IL1RAPL2: variants seen among roughly 807,000 people sequenced by gnomAD.
The protein encoded by IL1RAPL2 is interleukin 1 receptor accessory protein like 2.
IL1RAPL2 carries 3 observed loss-of-function variants against 44.1 expected under a neutral mutation model. The observed-to-expected ratio is 0.07, with a 90% CI of 0.03 to 0.18. The LOEUF (loss-of-function observed/expected upper bound fraction) is 0.18. IL1RAPL2 is among the 10% of genes least tolerant of loss of function. The probability of loss-of-function intolerance (pLI) is 1.00; values close to 1 mark genes in which losing one functional copy is unlikely to be tolerated. For missense variants in IL1RAPL2, 391 were observed against 496.4 expected (o/e 0.79, Z 2.02); for synonymous variants, 181 against 178.8 (o/e 1.01, Z -0.10).
chrX:105,126,906 T>C (rs1157730738), intron 2 of IL1RAPL2, among the ~76,000 whole-genome samples: 1 of 111,373 alleles, frequency 9.0e-6, no homozygotes, highest in Non-Finnish European at 1.9e-5. Context: ...TTCCAGTTTC[T>C]GCCAGAAGAG....
intron 2 of IL1RAPL2, among the ~76,000 whole-genome samples, chrX:104,962,996 T>C (rs2030037713): frequency 8.9e-6 from 1 of 112,075 alleles, no homozygotes; most frequent in Admixed American, 9.5e-5. Context: ...CCTGGGTTTC[T>C]TCATCCCTGA....
chrX:105,457,079 CAG>C lies in IL1RAPL2; in HGVS notation c.698-27231_698-27230del, dbSNP rs2036061159. On this transcript the variant is annotated intron_variant, in intron 5 of 10. Coordinates refer to ENST00000372582, the MANE Select transcript of IL1RAPL2 (RefSeq NM_017416.2). The stretch of plus-strand genomic sequence containing the variant: ...ACACACACACACACACACACACACA[CAG>C]AGCTGCTGAAAGAGGCTAGAGCAGT... 3.8e-5 allele frequency among the ~76,000 whole-genome samples: 4 copies of C among 106,391 alleles called. No individual in the cohort carries two copies. In the South Asian group the frequency reaches 1.6e-3, roughly 43 times the overall value. 92.4% of individuals were successfully genotyped at this position (106,391 alleles called of 115,157 possible). A position where few individuals can be genotyped will look rare whatever the true frequency, so the allele number is the denominator to read the frequency against.
chrX:104,568,252 G>C (rs1255003559), intron 1 of IL1RAPL2, among the ~76,000 whole-genome samples: 1 of 110,643 alleles, frequency 9.0e-6, no homozygotes, highest in Admixed American at 9.6e-5. Flanking sequence ...TTAAACATGC[G>C]GCATAGCTGG....
intron 2 of IL1RAPL2, among the ~76,000 whole-genome samples, chrX:104,748,147 A>G (rs1932205285): frequency 9.0e-6 from 1 of 111,637 alleles, no homozygotes; most frequent in Admixed American, 9.5e-5. Context: ...CATTACATGG[A>G]AAGTTTTATA....
chrX:105,013,643 G>A (rs111559224), intron 2 of IL1RAPL2, among the ~76,000 whole-genome samples: 2,531 of 110,168 alleles, frequency 0.023, 62 homozygotes, highest in African/African-American at 0.08. Context: ...TTGTCCTGAC[G>A]ATTCTCCTTC....
At chrX:105,749,144 G>A in intron 9 of IL1RAPL2, 41 bp downstream of exon 9, 2 of 1,161,889 alleles carry the variant, frequency 1.7e-6, no homozygotes, top group Non-Finnish European at 2.3e-6. Context: ...TAAACGGCAT[G>A]CATTTGTGAT....
At chrX:104,938,171 A>G (rs1170884179) in intron 2 of IL1RAPL2, among the ~76,000 whole-genome samples, 1 of 112,512 alleles carries the variant, frequency 8.9e-6, no homozygotes, top group Non-Finnish European at 1.9e-5. Flanking sequence ...TTGGATATAA[A>G]CATATTTATT....
At chrX:105,033,093 C>A (rs1391414266) in intron 2 of IL1RAPL2, among the ~76,000 whole-genome samples, 2 of 111,188 alleles carry the variant, frequency 1.8e-5, no homozygotes, top group South Asian at 3.8e-4. Context: ...TTCCTCTATC[C>A]CTTTATTTTG....
At chrX:104,632,221 A>T (rs998644065) in intron 1 of IL1RAPL2, among the ~76,000 whole-genome samples, 5 of 111,692 alleles carry the variant, frequency 4.5e-5, no homozygotes, top group Non-Finnish European at 7.5e-5. Context: ...TGGTACCAGT[A>T]CCATGCTGTT....
intron 2 of IL1RAPL2, among the ~76,000 whole-genome samples, chrX:104,838,843 CTTTCTTTTTTTTTTT>C (rs1173711959): frequency 2.6e-5 from 1 of 38,018 alleles, no homozygotes; most frequent in African/African-American, 6.8e-5. Flanking sequence ...TTCTTTCTTT[CTTTCTTTTTTTTTTT>C]TTTTTTTTTG....
At chrX:104,902,640 G>T (rs1923853831) in intron 2 of IL1RAPL2, among the ~76,000 whole-genome samples, 1 of 111,945 alleles carries the variant, frequency 8.9e-6, no homozygotes, top group Admixed American at 9.5e-5. Flanking sequence ...CATTTCCGTT[G>T]CAGAATAGCA....
At chrX:104,584,217 C>T (rs749195607) in intron 1 of IL1RAPL2, among the ~76,000 whole-genome samples, 5 of 111,553 alleles carry the variant, frequency 4.5e-5, no homozygotes, top group Non-Finnish European at 9.4e-5. Context: ...AACCTCCCTA[C>T]TCTATAGGAG....
chrX:105,765,393 GT>G (rs1437545993), intron 10 of IL1RAPL2: 3 of 111,732 alleles, frequency 2.7e-5, no homozygotes, highest in African/African-American at 3.3e-5. Flanking sequence ...TATTTCTGTG[GT>G]GTTTTTTTGT....
At chrX:104,676,431 A>T (rs944572289) in intron 2 of IL1RAPL2, among the ~76,000 whole-genome samples, 1 of 111,047 alleles carries the variant, frequency 9.0e-6, no homozygotes, top group African/African-American at 3.3e-5. Context: ...ATTGGCCCCC[A>T]CTCTCTTCTG....
chrX:104,886,333 G>A (rs1325807547), intron 2 of IL1RAPL2, among the ~76,000 whole-genome samples: 6 of 99,569 alleles, frequency 6.0e-5, no homozygotes, highest in African/African-American at 1.8e-4. Context: ...CCTGAAGTCT[G>A]GGCATTGGAA....
chrX:104,897,932 G>T (rs1018607223), intron 2 of IL1RAPL2, among the ~76,000 whole-genome samples: 1 of 111,905 alleles, frequency 8.9e-6, no homozygotes, highest in African/African-American at 3.2e-5. Context: ...AATGATAAAT[G>T]TTACTTTACC....
chrX:105,388,753 G>T (rs2035499421), intron 5 of IL1RAPL2, among the ~76,000 whole-genome samples: 1 of 110,925 alleles, frequency 9.0e-6, no homozygotes, highest in Non-Finnish European at 1.9e-5. Context: ...TTTATCAGGG[G>T]TTTTTTGCAT....
At chrX:105,211,983 C>A (rs1556158553) in intron 3 of IL1RAPL2, among the ~76,000 whole-genome samples, 3 of 112,353 alleles carry the variant, frequency 2.7e-5, no homozygotes, top group Non-Finnish European at 5.6e-5. Context: ...CAGGAGATTT[C>A]CCTTGTGTGC....
chrX:104,838,847 CTTTTTTTT>C (rs3086025), intron 2 of IL1RAPL2, among the ~76,000 whole-genome samples: 2 of 36,295 alleles, frequency 5.5e-5, no homozygotes, highest in Admixed American at 3.4e-4. Flanking sequence ...TTCTTTCTTT[CTTTTTTTT>C]TTTTTTTTTT....
Sources: gnomAD v4.1 joint callset for allele counts (sites outside exome capture counted in the v4.1 genomes callset) on GRCh38, gnomAD v4.1.1 for gene constraint, MANE v1.5 for transcripts, NCBI Gene and HGNC (gene_info 2026-07-23, HGNC 2026-07-21) for gene names.